SCN3A: variants seen among roughly 807,000 people sequenced by gnomAD.
The protein encoded by SCN3A is sodium voltage-gated channel alpha subunit 3.
Under a neutral mutation model 187.6 loss-of-function variants are expected in SCN3A, and 60 were observed. The observed-to-expected ratio is 0.32, with a 90% confidence interval of 0.26 to 0.40. SCN3A has a LOEUF of 0.40. Among genes scored for constraint, SCN3A ranks in the 10% least tolerant of loss-of-function variants. The pLI, the probability that SCN3A is intolerant of heterozygous loss-of-function variation, is 1.00. For synonymous variants in SCN3A, 788 were observed against 829.2 expected (o/e 0.95, Z 0.85); for missense variants, 1,601 against 2,428.2 (o/e 0.66, Z 7.16).
At chr2:165,161,155 T>TTTTTTTTTTTTTTTTTTTTTTTTTTTTG (rs1689364222) in intron 9 of SCN3A, among the ~76,000 whole-genome samples, 1 of 141,110 alleles carries the variant, frequency 7.1e-6, no homozygotes, top group East Asian at 2.1e-4. Context: ...TTTTTTTTTT[T>TTTTTTTTTTTTTTTTTTTTTTTTTTTTG]TTTTTTTGTT....
Position 165,163,691 on chromosome 2 carries a change from C to A in SCN3A, c.621G>T (p.Val207=). 6.2e-7 allele frequency: 1 copy of A among 1,613,998 alleles called. No individual in the cohort carries two copies. The highest frequency in any genetic ancestry group is 8.5e-7 in the Non-Finnish European group (1 of 1,179,952). Residue 207 remains valine (V), a synonymous_variant, in exon 7 of 28, where the codon GTG becomes GTT. Coordinates refer to ENST00000283254, the MANE Select transcript of SCN3A (RefSeq NM_006922.4). Reference sequence around the variant, plus strand: ...TCAACGCTGAGACATTGCCCAGGTCCACAAACTCTGTCACATATCTGTAAT... The same window carrying A: ...TCAACGCTGAGACATTGCCCAGGTCAACAAACTCTGTCACATATCTGTAAT... ...VIVMAYVTEF[V]DLGNVSALRT...
At chr2:165,164,090 G>A (rs1394948692) in intron 6 of SCN3A, among the ~76,000 whole-genome samples, 1 of 152,076 alleles carries the variant, frequency 6.6e-6, no homozygotes, top group Non-Finnish European at 1.5e-5. Context: ...TCACTAATAT[G>A]AACACATTTG....
chr2:165,169,070 T>C (rs554700390), intron 4 of SCN3A, among the ~76,000 whole-genome samples: 1 of 139,780 alleles, frequency 7.2e-6, no homozygotes, highest in South Asian at 2.2e-4. Flanking sequence ...TTGAAGCAAA[T>C]GCAAGTTATT....
chr2:165,197,972 C>A (rs778181982), intron 1 of SCN3A, among the ~76,000 whole-genome samples: 1 of 150,002 alleles, frequency 6.7e-6, no homozygotes, highest in Non-Finnish European at 1.5e-5. Context: ...AATTTTGAGA[C>A]CATACAGGTC....
rs575430041 is a variant in SCN3A, at chr2:165,201,484, G to A, written c.-248+2339C>T. Among the ~76,000 whole-genome samples the A allele has an allele frequency of 2.0e-5, 3 of 152,124 alleles. 1 individual carries two copies. The highest frequency in any genetic ancestry group is 4.8e-5 in the African/African-American group (2 of 41,534). On this transcript the variant is annotated intron_variant, in intron 1 of 27. Transcript: ENST00000283254. Reference sequence around the variant, plus strand: ...GTTCCTTTTGATGTGAGTTAGGATGGCAGGGAGAGAGAGGAAGGAGGTTCG... The same window carrying A: ...GTTCCTTTTGATGTGAGTTAGGATGACAGGGAGAGAGAGGAAGGAGGTTCG...
intron 2 of SCN3A, among the ~76,000 whole-genome samples, chr2:165,178,456 T>C (rs1690612341): frequency 6.6e-6 from 1 of 152,132 alleles, no homozygotes; most frequent in Non-Finnish European, 1.5e-5. Context: ...TCTCAAACGC[T>C]TGGGCTCAAG....
chr2:165,149,457 G>T (rs1288705505), intron 11 of SCN3A, among the ~76,000 whole-genome samples: 1 of 152,088 alleles, frequency 6.6e-6, no homozygotes, highest in South Asian at 2.1e-4. Context: ...TTACAGGCGC[G>T]AGCCACCGCA....
At chr2:165,100,512 TA>T in intron 21 of SCN3A, 88 bp from the exon 22 acceptor site, 1 of 1,375,148 alleles carries the variant, frequency 7.3e-7, no homozygotes, top group Non-Finnish European at 1.0e-6. Context: ...TAATGCAGAC[TA>T]AATACTAATT....
intron 12 of SCN3A, among the ~76,000 whole-genome samples, chr2:165,141,363 C>G (rs1303124024): frequency 6.6e-6 from 1 of 152,096 alleles, no homozygotes; most frequent in African/African-American, 2.4e-5. Flanking sequence ...TAGTAAGTAG[C>G]TTCTACTTCT....
intron 12 of SCN3A, among the ~76,000 whole-genome samples, chr2:165,146,440 A>T (rs1559229334): frequency 7.0e-6 from 1 of 141,856 alleles, no homozygotes; most frequent in Non-Finnish European, 1.5e-5. Flanking sequence ...ATATACACAC[A>T]TATATATATA....
intron 1 of SCN3A, among the ~76,000 whole-genome samples, chr2:165,194,569 TA>T (rs1691823950): frequency 7.0e-6 from 1 of 143,738 alleles, no homozygotes; most frequent in South Asian, 2.1e-4. Flanking sequence ...ATAAATAATA[TA>T]AATGCCTTGA....
rs1285549259 is a variant in SCN3A at position 165,097,486 on chromosome 2, G to A, written c.4005C>T (p.Ile1335=). The A allele has an allele frequency of 6.2e-7, 1 of 1,614,032 alleles. No individual in the cohort carries two copies. Among genetic ancestry groups the A allele is most frequent in the Non-Finnish European group, 8.5e-7 (1 of 1,179,970 alleles). ...TGAGACAGACCAACAGCACATTCAT[G>A]ATAGAGGGAATTGCTCCAACAAGAG... ...VNALVGAIPS[I]MNVLLVCLIF... The change falls in exon 23 of 28, where the codon ATC becomes ATT. Residue 1335 remains isoleucine (I), a synonymous_variant. Coordinates refer to ENST00000283254, the MANE Select transcript of SCN3A (RefSeq NM_006922.4).
intron 18 of SCN3A, among the ~76,000 whole-genome samples, chr2:165,124,836 G>C (rs1185556614): frequency 6.6e-6 from 1 of 152,004 alleles, no homozygotes; most frequent in Admixed American, 6.5e-5. Context: ...CATTGCTACC[G>C]AATGATTATC....
Position 165,105,335 on chromosome 2 carries a change from C to G in SCN3A, c.3844-4911G>C, listed in dbSNP as rs147068758. Among the ~76,000 whole-genome samples, 207 of 152,208 alleles carry G rather than the reference C, an allele frequency of 1.4e-3. 1 individual carries two copies. The highest frequency in any genetic ancestry group is 4.9e-3 in the African/African-American group (202 of 41,510). ...CCACAGATGTCTCTTCCAGTATATC[C>G]TGAAGTTGAGTTTTTCCCATTAATA... On this transcript the variant is annotated intron_variant, in intron 21 of 27. Coordinates refer to ENST00000283254, the MANE Select transcript of SCN3A (RefSeq NM_006922.4).
At chr2:165,116,783 T>C (rs1248704922) in intron 18 of SCN3A, among the ~76,000 whole-genome samples, 1 of 152,118 alleles carries the variant, frequency 6.6e-6, no homozygotes, top group Non-Finnish European at 1.5e-5. Flanking sequence ...TTAAAGTTGA[T>C]ATTAACCTGA....
At chr2:165,114,599 T>C (rs562951820) in intron 19 of SCN3A, among the ~76,000 whole-genome samples, 3 of 152,360 alleles carry the variant, frequency 2.0e-5, no homozygotes, top group South Asian at 4.1e-4. Flanking sequence ...TCCAGTCACA[T>C]TGAATAATAG....
Position 165,106,096 on chromosome 2 carries a change from TC to T in SCN3A, c.3844-5673del, listed in dbSNP as rs536072273. Among the ~76,000 whole-genome samples, 47 of 152,296 alleles carry T rather than the reference TC, an allele frequency of 3.1e-4. 1 individual carries two copies. The East Asian group carries it at 8.7e-3, about 28-fold the overall frequency. On this transcript the variant is annotated intron_variant, in intron 21 of 27. Coordinates refer to ENST00000283254, the MANE Select transcript of SCN3A (RefSeq NM_006922.4). The stretch of plus-strand genomic sequence containing the variant: ...AGGAAGCAGACGATCTAAGCGTTCA[TC>T]CCTGGGAAAAGGATGAGTAAAATCT...
chr2:165,095,823 C>T (rs1257216112), intron 24 of SCN3A, among the ~76,000 whole-genome samples, 175 bp from the exon 25 acceptor site: 1 of 152,002 alleles, frequency 6.6e-6, no homozygotes, highest in Non-Finnish European at 1.5e-5. Context: ...TGAAGGTTTG[C>T]AAGTTTTATG....
chr2:165,163,501 G>C, intron 7 of SCN3A, 117 bp downstream of exon 7: 10 of 1,175,446 alleles, frequency 8.5e-6, no homozygotes, highest in South Asian at 1.3e-5. Context: ...ACATCATTTG[G>C]CATTATTTAA....
Sources: allele counts gnomAD v4.1 joint callset (sites outside exome capture counted in the v4.1 genomes callset), GRCh38; gene constraint gnomAD v4.1.1; transcripts MANE v1.5; gene names NCBI Gene and HGNC (gene_info 2026-07-23, HGNC 2026-07-21).